The following CLVS1 variants were observed in gnomAD, a reference collection of about 807,000 sequenced individuals.
The protein encoded by CLVS1 is clavesin 1.
In CLVS1, 10 loss-of-function variants were observed where a neutral mutation model predicts 33.1. That is an observed-to-expected ratio of 0.30 (90% CI 0.19 to 0.51). The LOEUF (loss-of-function observed/expected upper bound fraction) is 0.51. Ranked by LOEUF, CLVS1 falls within the 20% of genes least tolerant of loss-of-function variation. CLVS1 has a pLI of 0.97. For synonymous variants in CLVS1, 163 were observed against 166.1 expected (o/e 0.98, Z 0.14); for missense variants, 343 against 433.4 (o/e 0.79, Z 1.85).
At chr8:61,365,303 G>A (rs539236406) in intron 2 of CLVS1, among the ~76,000 whole-genome samples, 82 of 152,220 alleles carry the variant, frequency 5.4e-4, no homozygotes, top group African/African-American at 1.7e-3. Context: ...CGAGGCGGGC[G>A]GATCACCTGG....
At chr8:60,978,856 G>C in the CLVS1 span, among the ~76,000 whole-genome samples, 1 of 150,208 alleles carries the variant, frequency 6.7e-6, no homozygotes, top group East Asian at 2.0e-4. Flanking sequence ...AAAATACAGG[G>C]AAAGAAAGGA....
chr8:61,332,651 AT>A (rs1303753048), intron 2 of CLVS1, among the ~76,000 whole-genome samples: 1 of 151,826 alleles, frequency 6.6e-6, no homozygotes, highest in Non-Finnish European at 1.5e-5. Context: ...TTCTTTTTTA[AT>A]TTTTTTGAGA....
rs568229098 is a variant in CLVS1, at chr8:61,219,796, C to G, written c.-151-79881C>G. Among the ~76,000 whole-genome samples, 67 of 152,316 alleles carry G rather than the reference C, an allele frequency of 4.4e-4. 1 individual carries two copies. Among genetic ancestry groups the G allele is most frequent in the African/African-American group, 1.6e-3 (67 of 41,574 alleles). Reference sequence around the variant, plus strand: ...TAAAGGTGTTCCTATTCCTCCACAGCCTTGCCAGGATCTATTGTTTCCTGA... The same window carrying G: ...TAAAGGTGTTCCTATTCCTCCACAGGCTTGCCAGGATCTATTGTTTCCTGA... On this transcript the variant is annotated intron_variant, in intron 2 of 2. Coordinates refer to the CLVS1 transcript ENST00000522621.
intron 2 of CLVS1, among the ~76,000 whole-genome samples, chr8:61,253,474 C>G (rs1251851904): frequency 1.3e-5 from 2 of 152,182 alleles, no homozygotes; most frequent in African/African-American, 4.8e-5. Flanking sequence ...GCCTGCCTTT[C>G]TAGATTGGGG....
intron 3 of CLVS1, among the ~76,000 whole-genome samples, chr8:61,384,359 G>C (rs1814000226): frequency 6.6e-6 from 1 of 152,212 alleles, no homozygotes; most frequent in Non-Finnish European, 1.5e-5. Flanking sequence ...GCTATGAGCA[G>C]GGAGGGGTTA....
chr8:61,319,015 T>C (rs1416899713), intron 2 of CLVS1, among the ~76,000 whole-genome samples: 1 of 152,224 alleles, frequency 6.6e-6, no homozygotes, highest in Non-Finnish European at 1.5e-5. Context: ...TTATCTAAAA[T>C]ATTCTATTTT....
rs1352017366 is a variant in CLVS1, at chr8:61,496,672, A to G, written c.978-2783A>G. 2.8e-5 allele frequency among the ~76,000 whole-genome samples: 4 copies of G among 142,248 alleles called. No homozygotes were observed. In the Admixed American group the frequency reaches 2.9e-4, roughly 10 times the overall value. 93.3% of individuals were successfully genotyped at this position (142,248 alleles called of 152,430 possible). A position where few individuals can be genotyped will look rare whatever the true frequency, so the allele number is the denominator to read the frequency against. On this transcript the variant is annotated intron_variant, in intron 5 of 5. Coordinates refer to ENST00000325897, the MANE Select transcript of CLVS1 (RefSeq NM_173519.3). ...GTTTGAATGGATTGATAGTTACAGTAGAAATAAATTTTTTTGAGACACTTG... is the reference window on the plus strand; with the variant it reads ...GTTTGAATGGATTGATAGTTACAGTGGAAATAAATTTTTTTGAGACACTTG...
the CLVS1 span, among the ~76,000 whole-genome samples, chr8:61,048,236 C>A: frequency 6.6e-6 from 1 of 152,208 alleles, no homozygotes; most frequent in East Asian, 1.9e-4. Context: ...AGGTGCTGAC[C>A]AAGAGTGAAG....
At chr8:61,289,867 G>T (rs2129593725) in intron 1 of CLVS1, among the ~76,000 whole-genome samples, 1 of 152,232 alleles carries the variant, frequency 6.6e-6, no homozygotes, top group South Asian at 2.1e-4. Flanking sequence ...TAATTATATA[G>T]ACATAATTCC....
At chr8:61,128,593 C>T (rs571488617) in intron 1 of CLVS1, among the ~76,000 whole-genome samples, 143 of 152,322 alleles carry the variant, frequency 9.4e-4, no homozygotes, top group Non-Finnish European at 1.7e-3. Context: ...ACACAGGGGC[C>T]ACCAAGTGTG....
At chr8:61,202,883 A>G in intron 2 of CLVS1, 1 of 880,822 alleles carries the variant, frequency 1.1e-6, no homozygotes, top group East Asian at 2.4e-5. Context: ...GATGATGATG[A>G]TGATTTTAAT....
intron 2 of CLVS1, among the ~76,000 whole-genome samples, chr8:61,361,169 T>A (rs1256428140): frequency 6.6e-6 from 1 of 152,136 alleles, no homozygotes; most frequent in Non-Finnish European, 1.5e-5. Context: ...TAATGAGAAC[T>A]CTGCCCCCAT....
At chr8:61,267,780 G>A (rs191531051) in intron 2 of CLVS1, among the ~76,000 whole-genome samples, 124 of 152,228 alleles carry the variant, frequency 8.1e-4, no homozygotes, top group Non-Finnish European at 1.3e-4. Flanking sequence ...GTAAGCTTCC[G>A]CAGTTAGCAT....
At chr8:61,212,377 AG>A (rs1807988910) in intron 2 of CLVS1, among the ~76,000 whole-genome samples, 1 of 152,150 alleles carries the variant, frequency 6.6e-6, no homozygotes, top group Admixed American at 6.5e-5. Context: ...TAGCGTCAGG[AG>A]TGTGCAGGAG....
the CLVS1 span, among the ~76,000 whole-genome samples, chr8:60,970,910 T>C: frequency 6.6e-6 from 1 of 151,968 alleles, no homozygotes. Flanking sequence ...AATTTTTTTA[T>C]CTTTTCTCTT....
At chr8:61,238,961 C>T (rs192837947) in intron 2 of CLVS1, among the ~76,000 whole-genome samples, 26 of 152,304 alleles carry the variant, frequency 1.7e-4, no homozygotes, top group South Asian at 4.1e-4. Flanking sequence ...TTGATACATT[C>T]TGCCAAGTTT....
At chr8:61,259,602 C>T (rs981077878) in intron 2 of CLVS1, among the ~76,000 whole-genome samples, 5 of 152,162 alleles carry the variant, frequency 3.3e-5, no homozygotes, top group East Asian at 1.9e-4. Flanking sequence ...AATAAAAGAA[C>T]GAGATGATGT....
chr8:61,134,154 C>G (rs956384213), intron 2 of CLVS1, among the ~76,000 whole-genome samples: 11 of 152,144 alleles, frequency 7.2e-5, no homozygotes, highest in Admixed American at 3.9e-4. Context: ...GACACACAGT[C>G]AGCAAACAGA....
chr8:61,095,758 T>C (rs777909349), intron 1 of CLVS1, among the ~76,000 whole-genome samples: 9 of 152,204 alleles, frequency 5.9e-5, no homozygotes, highest in Non-Finnish European at 1.3e-4. Flanking sequence ...CAAGGCACGC[T>C]GGGATTTTTA....
Sources: gnomAD v4.1 joint callset for allele counts (sites outside exome capture counted in the v4.1 genomes callset) on GRCh38, gnomAD v4.1.1 for gene constraint, MANE v1.5 for transcripts, NCBI Gene and HGNC (gene_info 2026-07-23, HGNC 2026-07-21) for gene names.